EYA4: variants seen among roughly 807,000 people sequenced by gnomAD.
EYA4 encodes the protein EYA transcriptional coactivator and phosphatase 4, also known as protein phosphatase EYA4.
A neutral mutation model predicts 87.9 loss-of-function variants in EYA4; 31 were observed. The ratio of observed to expected loss-of-function variants is 0.35; its 90% CI spans 0.27 to 0.48. EYA4 has a LOEUF of 0.48. Ranked by LOEUF, EYA4 falls within the 20% of genes least tolerant of loss-of-function variation. The pLI is 0.99. For missense variants in EYA4, 678 were observed against 761.4 expected (o/e 0.89, Z 1.29); for synonymous variants, 263 against 270.6 (o/e 0.97, Z 0.28).
intron 3 of EYA4, among the ~76,000 whole-genome samples, chr6:133,430,452 G>A (rs1051175646): frequency 5.9e-5 from 9 of 152,130 alleles, no homozygotes; most frequent in Non-Finnish European, 1.3e-4. Flanking sequence ...TTTTACAAAT[G>A]TATAGAAAGC....
chr6:133,336,580 A>G (rs1024247443), intron 2 of EYA4, among the ~76,000 whole-genome samples: 1 of 152,216 alleles, frequency 6.6e-6, no homozygotes, highest in Non-Finnish European at 1.5e-5. Context: ...TGCAACAGCC[A>G]ACAACCAAAC....
chr6:133,291,901 T>TA (rs1778517893), intron 2 of EYA4, among the ~76,000 whole-genome samples: 1 of 152,060 alleles, frequency 6.6e-6, no homozygotes, highest in South Asian at 2.1e-4. Flanking sequence ...TTCCATGAAA[T>TA]AAAGTTTTCA....
intron 3 of EYA4, among the ~76,000 whole-genome samples, chr6:133,388,747 G>T (rs922322062): frequency 4.6e-5 from 7 of 152,166 alleles, no homozygotes; most frequent in African/African-American, 1.7e-4. Flanking sequence ...ACAACCAAAA[G>T]GAGGAAGGGC....
chr6:133,280,200 C>T (rs938354945), intron 2 of EYA4, among the ~76,000 whole-genome samples: 1 of 152,100 alleles, frequency 6.6e-6, no homozygotes, highest in African/African-American at 2.4e-5. Flanking sequence ...GAATAACATA[C>T]TTCAGAGTTC....
intron 3 of EYA4, among the ~76,000 whole-genome samples, chr6:133,419,221 G>A (rs908165051): frequency 1.3e-4 from 20 of 152,174 alleles, no homozygotes; most frequent in Admixed American, 1.2e-3. Context: ...CAGTGTGTCA[G>A]CCAGCTTTAC....
chr6:133,275,084 TAGAC>T (rs1003185628), intron 2 of EYA4, among the ~76,000 whole-genome samples: 6 of 152,302 alleles, frequency 3.9e-5, no homozygotes, highest in Admixed American at 6.5e-5. Context: ...ATGCATGTTT[TAGAC>T]AGTCTAAACA....
intron 2 of EYA4, among the ~76,000 whole-genome samples, chr6:133,376,823 C>G (rs1479530354): frequency 6.6e-6 from 1 of 151,964 alleles, no homozygotes; most frequent in African/African-American, 2.4e-5. Context: ...CCAAATCACA[C>G]ATTCTTTATT....
In EYA4 at chr6:133,529,596, T is replaced by G; in HGVS notation, c.*791T>G. ...ATTTAAAAGTCAAGCTCTCAGAGCT[T>G]AATTACCGCATCAGCAAGAAACTGA... is the stretch of plus-strand genomic sequence containing the variant. On this transcript the variant is annotated 3_prime_UTR_variant, in exon 20 of 20. Transcript: ENST00000355286. 2.0e-6 allele frequency: 2 copies of G among 985,466 alleles called. No individual in the cohort carries two copies. Among genetic ancestry groups the G allele is most frequent in the Non-Finnish European group, 2.4e-6 (2 of 829,774 alleles). 61.0% of individuals were successfully genotyped at this position (985,466 alleles called of 1,614,324 possible).
At chr6:133,481,657 A>ATTCTC (rs764322988) in intron 12 of EYA4, 58 bp downstream of exon 12, 5 of 1,554,682 alleles carry the variant, frequency 3.2e-6, no homozygotes, top group Non-Finnish European at 4.4e-6. Flanking sequence ...CGAATGATAC[A>ATTCTC]TTCTCTATCT....
intron 5 of EYA4, among the ~76,000 whole-genome samples, chr6:133,450,996 C>A (rs1793385416): frequency 6.6e-6 from 1 of 152,176 alleles, no homozygotes; most frequent in Admixed American, 6.5e-5. Flanking sequence ...AAATTGTTAG[C>A]ACTTGTAAAA....
At chr6:133,272,597 A>G (rs559955104) in intron 1 of EYA4, among the ~76,000 whole-genome samples, 15 of 152,198 alleles carry the variant, frequency 9.9e-5, no homozygotes, top group Admixed American at 5.9e-4. Flanking sequence ...GAAGGTAGTT[A>G]TCTGTAGAAG....
chr6:133,251,015 C>T (rs1274890004), intron 1 of EYA4, among the ~76,000 whole-genome samples: 2 of 152,124 alleles, frequency 1.3e-5, no homozygotes, highest in Non-Finnish European at 2.9e-5. Context: ...TACTGTGGGT[C>T]ATCTTGGCAA....
chr6:133,491,662 C>A (rs866655569), intron 13 of EYA4, among the ~76,000 whole-genome samples: 1 of 151,932 alleles, frequency 6.6e-6, no homozygotes, highest in African/African-American at 2.4e-5. Flanking sequence ...ATAAAAAGTA[C>A]CCCAGCAGGC....
At chr6:133,388,332 G>C (rs1216180460) in intron 3 of EYA4, among the ~76,000 whole-genome samples, 1 of 151,716 alleles carries the variant, frequency 6.6e-6, no homozygotes, top group Non-Finnish European at 1.5e-5. Flanking sequence ...GCTTGAACCT[G>C]GGGGGCGGAG....
chr6:133,439,682 G>T (rs1002449178), intron 3 of EYA4, among the ~76,000 whole-genome samples: 1 of 152,158 alleles, frequency 6.6e-6, no homozygotes, highest in East Asian at 1.9e-4. Flanking sequence ...GTGCCCAGGG[G>T]TCACTATTAT....
In EYA4 at chr6:133,529,622, G is replaced by A. The variant is rs1199198326; in HGVS notation, c.*817G>A. On this transcript the variant is annotated 3_prime_UTR_variant, in exon 20 of 20. Coordinates refer to ENST00000355286, the MANE Select transcript of EYA4 (RefSeq NM_004100.5). The stretch of plus-strand genomic sequence containing the variant: ...AATTACCGCATCAGCAAGAAACTGA[G>A]TATTTTTTGCAATAAGAAAACAACA... 1.0e-6 allele frequency: 1 copy of A among 985,242 alleles called. No homozygotes were observed. The highest frequency in any genetic ancestry group is 1.2e-6 in the Non-Finnish European group (1 of 829,730). 61.0% of individuals were successfully genotyped at this position (985,242 alleles called of 1,614,324 possible). A position where few individuals can be genotyped will look rare whatever the true frequency, so the allele number is the denominator to read the frequency against.
chr6:133,323,572 C>T (rs761936108), intron 2 of EYA4, among the ~76,000 whole-genome samples: 3 of 136,282 alleles, frequency 2.2e-5, no homozygotes, highest in Non-Finnish European at 5.0e-5. Flanking sequence ...ATTCATATCA[C>T]CAAATAGCTC....
rs997162071 is a variant in EYA4 at position 133,513,202 on chromosome 6, C to T, written c.1501+164C>T. Among the ~76,000 whole-genome samples, 6 of 152,138 alleles carry T rather than the reference C, an allele frequency of 3.9e-5. No homozygotes were observed. In the South Asian group the frequency reaches 1.2e-3, roughly 31 times the overall value. ...TTAGAATTGGTGGGAAAAAATTTAA[C>T]TACAAAATAAAACATGCACCACCGT... On this transcript the variant is annotated intron_variant, in intron 16 of 19. Transcript: ENST00000355286.
Position 133,340,185 on chromosome 6 carries a change from CAA to C in EYA4, c.34-42204_34-42203del, listed in dbSNP as rs370049936. Among the ~76,000 whole-genome samples the C allele has an allele frequency of 4.3e-4, 66 of 152,194 alleles. No homozygotes were observed. The South Asian group carries it at 8.7e-3, about 20-fold the overall frequency. On this transcript the variant is annotated intron_variant, in intron 2 of 19. Transcript: ENST00000355286. Reference sequence around the variant, plus strand: ...TAGGCTTAATGTGTTAAAACATGGGCAAAAGTCATTCCATGCTTTTTCTGTGT... The same window carrying C: ...TAGGCTTAATGTGTTAAAACATGGGCAAGTCATTCCATGCTTTTTCTGTGT...
Sources: gnomAD v4.1 joint callset for allele counts (sites outside exome capture counted in the v4.1 genomes callset) on GRCh38, gnomAD v4.1.1 for gene constraint, MANE v1.5 for transcripts, NCBI Gene and HGNC (gene_info 2026-07-23, HGNC 2026-07-21) for gene names.